The following PRC1 variants were observed in gnomAD, a reference collection of about 807,000 sequenced individuals.
PRC1 encodes anaphase spindle elongation 1 homolog.
Under a neutral mutation model 91.2 loss-of-function variants are expected in PRC1, and 54 were observed. The ratio of observed to expected loss-of-function variants is 0.59; its 90% CI spans 0.48 to 0.74. The LOEUF (loss-of-function observed/expected upper bound fraction) is 0.74. PRC1 is among the 30% of genes least tolerant of loss of function. PRC1 has a pLI of 0.00. For synonymous variants in PRC1, 275 were observed against 263.6 expected, an observed-to-expected ratio of 1.04 and a Z score of -0.42; for missense variants, 727 against 746.2, an observed-to-expected ratio of 0.97 and a Z score of 0.30.
At chr15:90,980,413 G>A (rs774670836) in intron 6 of PRC1, 24 bp from the exon 7 acceptor site, 5 of 1,608,012 alleles carry the variant, frequency 3.1e-6, no homozygotes, top group Admixed American at 3.4e-5. Flanking sequence ...ACTTGTTAAG[G>A]GTGGCTGCCA....
intron 1 of PRC1, among the ~76,000 whole-genome samples, chr15:90,991,991 A>T (rs1020834741): frequency 6.6e-6 from 1 of 152,132 alleles, no homozygotes. Flanking sequence ...TGCTCATTCT[A>T]TTCCTGTCAC....
In PRC1 at chr15:90,980,870, A is replaced by C. The variant is rs761339215; in HGVS notation, c.822+14T>G. ...AGAGAAGACTGCTGACCCAGTACCC[A>C]CTGGGTTTCTTACCGCTTTCCGGAC... is the stretch of plus-strand genomic sequence containing the variant. On this transcript the variant is annotated intron_variant, in intron 6 of 14. Transcript: ENST00000394249. 1 of 1,614,114 alleles carries C rather than the reference A, an allele frequency of 6.2e-7. No individual in the cohort carries two copies. Among genetic ancestry groups the C allele is most frequent in the East Asian group, 2.2e-5 (1 of 44,886 alleles).
At chr15:90,969,780 ATATATATATATATATATATATG>A (rs1314198463) in intron 12 of PRC1, among the ~76,000 whole-genome samples, 157 bp from the exon 13 acceptor site, 27 of 50,776 alleles carry the variant, frequency 5.3e-4, no homozygotes, top group African/African-American at 4.0e-3. Flanking sequence ...ATATATATAT[ATATATATATATATATATATATG>A]GGGCTGGGTG....
rs1210620118 is a variant in PRC1, at chr15:90,966,552, TTAAC to T, written c.*575_*578del. 1 of 455,976 alleles carries T rather than the reference TTAAC, an allele frequency of 2.2e-6. No homozygotes were observed. The highest frequency in any genetic ancestry group is 4.4e-6 in the Non-Finnish European group (1 of 226,776). The allele number at this position is 455,976 out of a possible 1,614,324, so 28.2% of individuals were successfully genotyped here. On this transcript the variant is annotated 3_prime_UTR_variant, in exon 15 of 15. Transcript: ENST00000394249. ...ACTGTGTAACAGAACTGAACACAAT[TTAAC>T]AAAGCTGCTCCCAGCCTTCCTGTCA...
At chr15:90,967,832 A>G (rs1328756212) in intron 14 of PRC1, 1 of 984,956 alleles carries the variant, frequency 1.0e-6, no homozygotes, top group Non-Finnish European at 1.2e-6. Context: ...TAAGCGAGGC[A>G]TGACTCTACT....
intron 12 of PRC1, among the ~76,000 whole-genome samples, 172 bp downstream of exon 12, chr15:90,970,232 C>T (rs1051342026): frequency 9.9e-5 from 15 of 152,004 alleles, no homozygotes; most frequent in African/African-American, 3.1e-4. Flanking sequence ...TTTTTTTGCA[C>T]GTTAGTTTTG....
At chr15:90,982,644 G>A (rs1261131786) in intron 3 of PRC1, 1 of 148,968 alleles carries the variant, frequency 6.7e-6, no homozygotes, top group Non-Finnish European at 1.5e-5. Context: ...CTACTCGGGA[G>A]GCTACGGCAG....
Position 90,981,643 on chromosome 15 carries a change from A to G in PRC1, c.528T>C (p.Ser176=). The G allele has an allele frequency of 6.2e-7, 1 of 1,614,114 alleles. No individual in the cohort carries two copies. Among genetic ancestry groups the G allele is most frequent in the Non-Finnish European group, 8.5e-7 (1 of 1,179,998 alleles). The change falls in exon 5 of 15, where the codon AGT becomes AGC. Residue 176 remains serine (S), a synonymous_variant. Coordinates refer to ENST00000394249, the MANE Select transcript of PRC1 (RefSeq NM_003981.4). ...TACACAGTATGATCTGTCTCTTTAT[A>G]CTGACAAACTCCTCACGCCTAGAAG... ...TKASRREEFV[S]IKRQIILCME...
chr15:90,983,858 C>T lies in PRC1; in HGVS notation c.267+160G>A. On this transcript the variant is annotated intron_variant, in intron 3 of 14. Transcript: ENST00000394249. The stretch of plus-strand genomic sequence containing the variant: ...CAACTCTCTACAGAGGTGAGAATTA[C>T]TCTGCTGGGCCTAATTAACTACACA... The T allele has an allele frequency of 3.2e-6, 3 of 940,004 alleles. No homozygotes were observed. The South Asian group carries it at 6.9e-5, about 22-fold the overall frequency. 58.2% of individuals were successfully genotyped at this position (940,004 alleles called of 1,614,324 possible).
chr15:90,984,163 T>A lies in PRC1; in HGVS notation c.145-23A>T. 1 of 1,613,280 alleles carries A rather than the reference T, an allele frequency of 6.2e-7. No individual in the cohort carries two copies. The highest frequency in any genetic ancestry group is 8.5e-7 in the Non-Finnish European group (1 of 1,179,530). On this transcript the variant is annotated intron_variant, in intron 2 of 14. Transcript: ENST00000394249. The surrounding 1 kb of genome is among the most constrained non-coding windows in gnomAD (Gnocchi z 5.1). ...TTCCTACAAGAGGGAAAACAGTCCA[T>A]AAGTTTGGGGCAATGGAGGAAAAAA...
At chr15:90,973,517 CCGT>C (rs1342087013) in intron 11 of PRC1, among the ~76,000 whole-genome samples, 1 of 152,074 alleles carries the variant, frequency 6.6e-6, no homozygotes, top group Non-Finnish European at 1.5e-5. Context: ...AGCCCGACAC[CCGT>C]CGTCTGTGCT....
chr15:90,992,219 T>C (rs959231834), intron 1 of PRC1, among the ~76,000 whole-genome samples: 1 of 152,162 alleles, frequency 6.6e-6, no homozygotes, highest in African/African-American at 2.4e-5. Flanking sequence ...TCAGTACTTC[T>C]TAACCTCTTG....
intron 1 of PRC1, 77 bp downstream of exon 1, chr15:90,994,330 G>C (rs1401786833): frequency 1.9e-5 from 31 of 1,603,800 alleles, no homozygotes; most frequent in Non-Finnish European, 2.5e-5. Context: ...CACGGGTCCC[G>C]CACCCCTGAA....
chr15:90,976,159 G>A (rs1455264150), intron 9 of PRC1, among the ~76,000 whole-genome samples: 3 of 152,140 alleles, frequency 2.0e-5, no homozygotes, highest in Admixed American at 2.0e-4. Context: ...CGCGGTCTTG[G>A]CTCACTGCAA....
chr15:90,970,549 G>A (rs1384387975), intron 11 of PRC1, 35 bp from the exon 12 acceptor site: 2 of 1,420,912 alleles, frequency 1.4e-6, no homozygotes. Context: ...CTGATGTGCA[G>A]TAACATCCTC....
At position 90,971,492 on chromosome 15, in the gene PRC1, C is replaced by A. The variant is rs967261517; in HGVS notation, c.1462-978G>T. On this transcript the variant is annotated intron_variant, in intron 11 of 14. Coordinates refer to ENST00000394249, the MANE Select transcript of PRC1 (RefSeq NM_003981.4). The stretch of plus-strand genomic sequence containing the variant: ...GTAGAGATGGGGCTTCAACATGTTT[C>A]CTAGTCTCCCAACTCCTGAGTTCAA... Among the ~76,000 whole-genome samples, 4 of 151,926 alleles carry A rather than the reference C, an allele frequency of 2.6e-5. 1 individual carries two copies. The highest frequency in any genetic ancestry group is 4.4e-5 in the Non-Finnish European group (3 of 68,006).
At chr15:90,971,586 C>CT (rs34967462) in intron 11 of PRC1, among the ~76,000 whole-genome samples, 6,273 of 144,120 alleles carry the variant, frequency 0.044, 205 homozygotes, top group South Asian at 0.087. Flanking sequence ...CCAGCCAACA[C>CT]TTTTTTTTTT....
chr15:90,985,970 G>A (rs2039548098), intron 1 of PRC1: 1 of 152,204 alleles, frequency 6.6e-6, no homozygotes, highest in African/African-American at 2.4e-5. Context: ...TTACAGGCGT[G>A]AGCTACCATG....
intron 14 of PRC1, chr15:90,968,176 T>C: frequency 1.0e-6 from 1 of 985,382 alleles, no homozygotes; most frequent in Non-Finnish European, 1.2e-6. Flanking sequence ...TCAGATAAAA[T>C]GGGCCTTGGT....
Sources: gnomAD v4.1 joint callset for allele counts (sites outside exome capture counted in the v4.1 genomes callset) on GRCh38, gnomAD v4.1.1 for gene constraint, Gnocchi (gnomAD v3.1) non-coding constraint, MANE v1.5 for transcripts, NCBI Gene and HGNC (gene_info 2026-07-23, HGNC 2026-07-21) for gene names.